PDE6D: variants seen among roughly 807,000 people sequenced by gnomAD.
PDE6D encodes phosphodiesterase 6D, also known as retinal rod rhodopsin-sensitive cGMP 3',5'-cyclic phosphodiesterase subunit delta.
A neutral mutation model predicts 21.9 loss-of-function variants in PDE6D; 10 were observed. The ratio of observed to expected loss-of-function variants is 0.46; its 90% CI spans 0.28 to 0.78. The LOEUF (loss-of-function observed/expected upper bound fraction) is 0.78. PDE6D is among the 30% of genes least tolerant of loss of function. The pLI is 0.12. For missense variants in PDE6D, 139 were observed against 184.8 expected (o/e 0.75, Z 1.44); for synonymous variants, 59 against 63.5 (o/e 0.93, Z 0.34).
chr2:231,753,368 CA>C (rs201808600), intron 1 of PDE6D, among the ~76,000 whole-genome samples: 4 of 149,720 alleles, frequency 2.7e-5, no homozygotes, highest in Non-Finnish European at 5.9e-5. Flanking sequence ...CTAAAAAATA[CA>C]AAAAAAACCC....
At position 231,732,912 on chromosome 2, in the gene PDE6D, CA is replaced by C. The variant is rs755012805; in HGVS notation, c.*39del. The C allele has an allele frequency of 8.5e-6, 12 of 1,416,732 alleles. No homozygotes were observed. The highest frequency in any genetic ancestry group is 1.9e-4 in the Middle Eastern group (1 of 5,388). The allele number at this position is 1,416,732 out of a possible 1,614,324, so 87.8% of individuals were successfully genotyped here. On this transcript the variant is annotated 3_prime_UTR_variant, in exon 5 of 5. Coordinates refer to ENST00000287600, the MANE Select transcript of PDE6D (RefSeq NM_002601.4). ...AAAGTAAACAGTTTCCTCCTCCCTCCAAAAAACCCAAATTCTTGAAATGTAC... is the reference window on the plus strand; with the variant it reads ...AAAGTAAACAGTTTCCTCCTCCCTCCAAAAACCCAAATTCTTGAAATGTAC...
chr2:231,748,002 C>CT lies in PDE6D; in HGVS notation c.51-8815dup, dbSNP rs575815913. ...TGTGGAACTGTAAGTCCAATTAAAG[C>CT]TTTTTTTTTGTTGTTCCCAGTTTCG... On this transcript the variant is annotated intron_variant, in intron 1 of 4. Coordinates refer to ENST00000287600, the MANE Select transcript of PDE6D (RefSeq NM_002601.4). Among the ~76,000 whole-genome samples, 37 of 151,626 alleles carry CT rather than the reference C, an allele frequency of 2.4e-4. 1 individual carries two copies. In the South Asian group the frequency reaches 4.0e-3, roughly 16 times the overall value.
chr2:231,769,392 A>G (rs1341955950), intron 1 of PDE6D, among the ~76,000 whole-genome samples: 1 of 152,070 alleles, frequency 6.6e-6, no homozygotes, highest in Non-Finnish European at 1.5e-5. Flanking sequence ...TGAATCTCAG[A>G]TTTAGTCCCT....
chr2:231,734,556 A>G (rs1047565489), intron 4 of PDE6D, among the ~76,000 whole-genome samples: 3 of 152,000 alleles, frequency 2.0e-5, no homozygotes, highest in Non-Finnish European at 2.9e-5. Flanking sequence ...AAAACAGGTA[A>G]ATAGGCCGGG....
At chr2:231,737,418 C>G (rs1377189567) in intron 3 of PDE6D, 126 bp from the exon 4 acceptor site, 30 of 581,972 alleles carry the variant, frequency 5.2e-5, no homozygotes. Context: ...TATCAGCAAC[C>G]TCTCAGACCA....
intron 1 of PDE6D, among the ~76,000 whole-genome samples, chr2:231,780,348 A>G (rs2049099450): frequency 6.6e-6 from 1 of 152,112 alleles, no homozygotes; most frequent in African/African-American, 2.4e-5. Context: ...ACCTAAGCCT[A>G]TGGTCCTCAT....
intron 2 of PDE6D, among the ~76,000 whole-genome samples, chr2:231,738,413 A>G (rs1366998579): frequency 6.6e-6 from 1 of 151,610 alleles, no homozygotes; most frequent in Non-Finnish European, 1.5e-5. Flanking sequence ...TCATCTAACT[A>G]CTCTCATCAG....
chr2:231,748,295 C>T (rs973043802), intron 1 of PDE6D, among the ~76,000 whole-genome samples: 8 of 152,100 alleles, frequency 5.3e-5, no homozygotes, highest in South Asian at 4.1e-4. Flanking sequence ...GGAACTTGTT[C>T]GGCACTGGAG....
chr2:231,776,024 C>T (rs545170335), intron 1 of PDE6D, among the ~76,000 whole-genome samples: 34 of 152,230 alleles, frequency 2.2e-4, no homozygotes, highest in African/African-American at 7.9e-4. Flanking sequence ...ACAGACTATA[C>T]TAGAAAGCTA....
intron 1 of PDE6D, chr2:231,778,837 A>G (rs926893784): frequency 6.6e-6 from 1 of 152,220 alleles, no homozygotes; most frequent in Non-Finnish European, 1.5e-5. Context: ...TGTTATCCAA[A>G]CTGGCAAATA....
intron 1 of PDE6D, among the ~76,000 whole-genome samples, chr2:231,767,839 CT>C (rs59912776): frequency 0.034 from 4,689 of 137,810 alleles, 194 homozygotes; most frequent in African/African-American, 0.1. Flanking sequence ...TTTAACTATT[CT>C]TTTTTTTTTT....
chr2:231,773,976 C>G (rs905007839), intron 1 of PDE6D, among the ~76,000 whole-genome samples: 1 of 152,028 alleles, frequency 6.6e-6, no homozygotes, highest in Non-Finnish European at 1.5e-5. Flanking sequence ...CTCTGTTACC[C>G]AGGCTGGAGT....
chr2:231,767,600 C>T (rs2048982433), intron 1 of PDE6D, among the ~76,000 whole-genome samples: 2 of 152,088 alleles, frequency 1.3e-5, no homozygotes, highest in South Asian at 4.1e-4. Context: ...CGGTGTGAGC[C>T]ACCGCACCCA....
chr2:231,754,411 C>T (rs370511595), intron 1 of PDE6D, among the ~76,000 whole-genome samples: 5 of 146,116 alleles, frequency 3.4e-5, no homozygotes, highest in South Asian at 4.3e-4. Flanking sequence ...GGCTGGAGTG[C>T]AGTGGTGCGA....
intron 1 of PDE6D, among the ~76,000 whole-genome samples, chr2:231,746,601 T>C (rs1381223900): frequency 1.3e-5 from 2 of 152,154 alleles, no homozygotes; most frequent in Non-Finnish European, 2.9e-5. Flanking sequence ...TCGTTTTAAA[T>C]GGAAATAGTC....
chr2:231,739,385 G>A lies in PDE6D; in HGVS notation c.51-197C>T. 1.4e-6 allele frequency: 1 copy of A among 699,528 alleles called. No homozygotes were observed. Among genetic ancestry groups the A allele is most frequent in the East Asian group, 2.7e-5 (1 of 36,502 alleles). 43.3% of individuals were successfully genotyped at this position (699,528 alleles called of 1,614,324 possible). On this transcript the variant is annotated intron_variant, in intron 1 of 4. Coordinates refer to ENST00000287600, the MANE Select transcript of PDE6D (RefSeq NM_002601.4). This position sits in a 1 kb window ranked among gnomAD's most constrained non-coding sequence, Gnocchi z 4.2. The stretch of plus-strand genomic sequence containing the variant: ...AAGGAAGAAGCAGAAACCTAGAGAA[G>A]TTACTTTTATCTATGAGAATCCTAA...
At chr2:231,750,760 G>C (rs1388041471) in intron 1 of PDE6D, among the ~76,000 whole-genome samples, 2 of 148,014 alleles carry the variant, frequency 1.4e-5, no homozygotes, top group African/African-American at 5.0e-5. Flanking sequence ...TGCCCACCTT[G>C]GTCTTCCAAA....
At chr2:231,752,234 C>G (rs1303823763) in intron 1 of PDE6D, among the ~76,000 whole-genome samples, 1 of 133,554 alleles carries the variant, frequency 7.5e-6, no homozygotes, top group African/African-American at 3.0e-5. Flanking sequence ...GAAGGAAAAG[C>G]TGAGAGAGGG....
At chr2:231,779,578 T>TCTTACAGGCGTGAGCCACCGCGCCCGGC in intron 1 of PDE6D, 1 of 152,336 alleles carries the variant, frequency 6.6e-6, no homozygotes, top group African/African-American at 2.4e-5. Context: ...AAAAATAAAA[T>TCTTACAGGCGTGAGCCACCGCGCCCGGC]CCATGTCATA....
Sources: allele counts gnomAD v4.1 joint callset (sites outside exome capture counted in the v4.1 genomes callset), GRCh38; gene constraint gnomAD v4.1.1; non-coding constraint Gnocchi (gnomAD v3.1); transcripts MANE v1.5; gene names NCBI Gene and HGNC (gene_info 2026-07-23, HGNC 2026-07-21).